Variants in HSDL2 observed in about 807,000 individuals in gnomAD.
HSDL2 encodes hydroxysteroid dehydrogenase like 2, also known as hydroxysteroid dehydrogenase-like protein 2.
In HSDL2, 27 loss-of-function variants were observed where a neutral mutation model predicts 46.3. The observed-to-expected ratio is 0.58, with a 90% CI of 0.43 to 0.80. HSDL2 has a LOEUF of 0.80. HSDL2 is among the 30% of genes least tolerant of loss of function. The probability of loss-of-function intolerance (pLI) is 0.00; values close to 1 mark genes in which losing one functional copy is unlikely to be tolerated. For missense variants in HSDL2, 451 were observed against 502.7 expected (o/e 0.90, Z 0.98); for synonymous variants, 153 against 163.6 (o/e 0.94, Z 0.50).
chr9:112,434,910 CTT>C (rs1489630837), intron 6 of HSDL2, among the ~76,000 whole-genome samples: 1 of 152,128 alleles, frequency 6.6e-6, no homozygotes, highest in Non-Finnish European at 1.5e-5. Flanking sequence ...CTTAATAAGA[CTT>C]AAGTTTTCAG....
chr9:112,399,562 G>C lies in HSDL2; in HGVS notation c.18-4433G>C, dbSNP rs1225120168. ...AGCCTGAGGGCACTGCAGGAGACCA[G>C]AGCGTATCTCACTCCTTATCTCAAC... is the stretch of plus-strand genomic sequence containing the variant. On this transcript the variant is annotated intron_variant, in intron 1 of 10. Transcript: ENST00000398805. 2.0e-5 allele frequency among the ~76,000 whole-genome samples: 3 copies of C among 152,156 alleles called. No homozygotes were observed. In the East Asian group the frequency reaches 5.8e-4, roughly 29 times the overall value.
chr9:112,416,431 TA>T (rs753094935), intron 4 of HSDL2, among the ~76,000 whole-genome samples: 13 of 138,600 alleles, frequency 9.4e-5, no homozygotes, highest in Admixed American at 1.4e-4. Context: ...GTCTTAAAAT[TA>T]AAAAAAAAAA....
chr9:112,381,054 G>A (rs1049768007), intron 1 of HSDL2, among the ~76,000 whole-genome samples: 3 of 146,066 alleles, frequency 2.1e-5, no homozygotes, highest in African/African-American at 7.6e-5. Flanking sequence ...TTTCTATTTC[G>A]TGCATGTATG....
intron 6 of HSDL2, among the ~76,000 whole-genome samples, chr9:112,436,536 T>C (rs983151541): frequency 3.9e-5 from 6 of 152,096 alleles, no homozygotes; most frequent in African/African-American, 1.4e-4. Context: ...TTTCATCTTA[T>C]AGATGAAAAT....
chr9:112,415,273 T>C (rs1831965704), intron 4 of HSDL2, among the ~76,000 whole-genome samples: 1 of 152,218 alleles, frequency 6.6e-6, no homozygotes, highest in South Asian at 2.1e-4. Flanking sequence ...GTAGTAGAAG[T>C]ACTATGCCTA....
At chr9:112,381,327 G>A (rs1203476022) in intron 1 of HSDL2, among the ~76,000 whole-genome samples, 1 of 152,016 alleles carries the variant, frequency 6.6e-6, no homozygotes, top group African/African-American at 2.4e-5. Context: ...CTGTGCCCAG[G>A]GACATACATT....
chr9:112,459,992 A>G (rs1833155310), intron 10 of HSDL2, among the ~76,000 whole-genome samples: 1 of 152,216 alleles, frequency 6.6e-6, no homozygotes, highest in South Asian at 2.1e-4. Flanking sequence ...TAGGAAACAC[A>G]TACCAGCCCT....
chr9:112,419,572 T>C (rs1832074289), intron 6 of HSDL2, among the ~76,000 whole-genome samples: 1 of 152,202 alleles, frequency 6.6e-6, no homozygotes, highest in Non-Finnish European at 1.5e-5. Context: ...TCTTTCTCCA[T>C]CTTTGTTTCT....
chr9:112,433,703 G>C (rs201268323), intron 6 of HSDL2: 1 of 152,200 alleles, frequency 6.6e-6, no homozygotes, highest in Middle Eastern at 3.1e-3. Context: ...TTGGCTGTTT[G>C]AGAGGCCTCT....
intron 4 of HSDL2, among the ~76,000 whole-genome samples, chr9:112,412,670 T>C (rs1427822292): frequency 6.6e-6 from 1 of 152,250 alleles, no homozygotes; most frequent in African/African-American, 2.4e-5. Flanking sequence ...TGTATAAGTC[T>C]CTTTGTTTTT....
chr9:112,470,301 G>A (rs893256083), intron 10 of HSDL2, 131 bp from the exon 11 acceptor site: 6 of 506,708 alleles, frequency 1.2e-5, no homozygotes, highest in Non-Finnish European at 1.7e-5. Context: ...ATAAAATGCT[G>A]TAACAGAAAT....
chr9:112,417,895 T>C (rs1185983881), intron 5 of HSDL2, among the ~76,000 whole-genome samples: 1 of 151,464 alleles, frequency 6.6e-6, no homozygotes, highest in African/African-American at 2.4e-5. Context: ...CTGGCCAACA[T>C]AGTGAAACTC....
chr9:112,382,008 C>T lies in HSDL2; in HGVS notation c.17+1828C>T, dbSNP rs1042785582. Among the ~76,000 whole-genome samples, 4 of 152,256 alleles carry T rather than the reference C, an allele frequency of 2.6e-5. No homozygotes were observed. The South Asian group carries it at 6.2e-4, about 24-fold the overall frequency. The stretch of plus-strand genomic sequence containing the variant: ...GTCCCAGCACTTTGGGAGGCCGAGG[C>T]GGGCGGATCACTGGAGGTCAAGAGT... On this transcript the variant is annotated intron_variant, in intron 1 of 10. Transcript: ENST00000398805.
At chr9:112,464,266 T>C (rs1012269864) in intron 10 of HSDL2, among the ~76,000 whole-genome samples, 4 of 151,188 alleles carry the variant, frequency 2.6e-5, no homozygotes, top group African/African-American at 4.9e-5. Context: ...ACAAGTAAAA[T>C]TGAGTTGTCT....
chr9:112,406,986 T>TGTGAGGGACAATGGCCAGTGGAAA (rs564307418), intron 3 of HSDL2, among the ~76,000 whole-genome samples: 1,976 of 152,196 alleles, frequency 0.013, 72 homozygotes, highest in East Asian at 0.1. Context: ...CATATGTACA[T>TGTGAGGGACAATGGCCAGTGGAAA]GTGAGGGACA....
At chr9:112,420,620 A>G (rs1019869654) in intron 6 of HSDL2, among the ~76,000 whole-genome samples, 7 of 152,044 alleles carry the variant, frequency 4.6e-5, no homozygotes, top group Non-Finnish European at 8.8e-5. Flanking sequence ...GCAGTGAGCC[A>G]TGGTCATGCT....
At chr9:112,417,066 A>G (rs1397264646) in intron 5 of HSDL2, 122 bp downstream of exon 5, 10 of 458,158 alleles carry the variant, frequency 2.2e-5, no homozygotes, top group Non-Finnish European at 4.0e-5. Flanking sequence ...TTCTATGCCA[A>G]GTCATTAAGT....
At position 112,391,643 on chromosome 9, in the gene HSDL2, T is replaced by A. The variant is rs183851339; in HGVS notation, c.17+11463T>A. Among the ~76,000 whole-genome samples, 477 of 152,228 alleles carry A rather than the reference T, an allele frequency of 3.1e-3. 5 individuals are homozygous for A. Among genetic ancestry groups the A allele is most frequent in the African/African-American group, 0.011 (448 of 41,556 alleles). ...AAAACCAGCCAGGCTTGGTGGCTCA[T>A]GCCTGTAATCCCAGCACTTTGGGAG... On this transcript the variant is annotated intron_variant, in intron 1 of 10. Coordinates refer to ENST00000398805, the MANE Select transcript of HSDL2 (RefSeq NM_032303.5).
intron 10 of HSDL2, among the ~76,000 whole-genome samples, chr9:112,463,299 G>T: frequency 1.3e-5 from 2 of 150,748 alleles, no homozygotes. Context: ...ATAGAGATAG[G>T]GTCTCGCTTT....
Sources: gnomAD v4.1 joint callset for allele counts (sites outside exome capture counted in the v4.1 genomes callset) on GRCh38, gnomAD v4.1.1 for gene constraint, MANE v1.5 for transcripts, NCBI Gene and HGNC (gene_info 2026-07-23, HGNC 2026-07-21) for gene names.